The following CAMK1D variants were observed in gnomAD, a reference collection of about 807,000 sequenced individuals.
CAMK1D encodes the protein calcium/calmodulin dependent protein kinase ID, also known as calcium/calmodulin-dependent protein kinase type 1D.
In CAMK1D, 9 loss-of-function variants were observed where a neutral mutation model predicts 47.7. That is an observed-to-expected ratio of 0.19 (90% CI 0.11 to 0.33). The LOEUF (loss-of-function observed/expected upper bound fraction) is 0.33. Among genes scored for constraint, CAMK1D ranks in the 10% least tolerant of loss-of-function variants. CAMK1D has a pLI of 1.00. For synonymous variants in CAMK1D, 184 were observed against 184.9 expected (o/e 0.99, Z 0.04); for missense variants, 291 against 488.7 (o/e 0.60, Z 3.81).
At chr10:12,442,985 ACTTCT>A (rs1832825626) in intron 1 of CAMK1D, among the ~76,000 whole-genome samples, 1 of 152,142 alleles carries the variant, frequency 6.6e-6, no homozygotes, top group Non-Finnish European at 1.5e-5. Context: ...TTACTTTTCT[ACTTCT>A]CTTCTCTCAC....
chr10:12,450,636 G>A (rs1833056379), intron 1 of CAMK1D, among the ~76,000 whole-genome samples: 1 of 152,172 alleles, frequency 6.6e-6, no homozygotes, highest in Non-Finnish European at 1.5e-5. Context: ...AGAGAAGGAG[G>A]CTGTGTCCTG....
intron 1 of CAMK1D, among the ~76,000 whole-genome samples, chr10:12,431,886 TCTC>T (rs1367787472): frequency 1.3e-5 from 2 of 152,192 alleles, no homozygotes; most frequent in Middle Eastern, 3.2e-3. Flanking sequence ...TCCTGACTCT[TCTC>T]CTGGCGTCAC....
intron 1 of CAMK1D, among the ~76,000 whole-genome samples, chr10:12,475,275 GC>G (rs1317468060): frequency 2.0e-5 from 3 of 152,050 alleles, no homozygotes; most frequent in African/African-American, 7.2e-5. Context: ...TAAACAACAA[GC>G]CCCCCATTCC....
chr10:12,395,783 C>T (rs540168862), intron 1 of CAMK1D, among the ~76,000 whole-genome samples: 18 of 151,704 alleles, frequency 1.2e-4, no homozygotes, highest in East Asian at 8.0e-4. Context: ...AAAAATTAGC[C>T]GGGCATGGTG....
intron 2 of CAMK1D, among the ~76,000 whole-genome samples, chr10:12,600,963 A>G (rs1387557896): frequency 6.6e-6 from 1 of 152,108 alleles, no homozygotes; most frequent in Non-Finnish European, 1.5e-5. Flanking sequence ...ACATGACTTC[A>G]TTCTTTTTTA....
chr10:12,381,832 AG>A (rs1339846908), intron 1 of CAMK1D, among the ~76,000 whole-genome samples: 1 of 152,150 alleles, frequency 6.6e-6, no homozygotes, highest in Non-Finnish European at 1.5e-5. Context: ...AGAAATGATG[AG>A]TTCGACTGTG....
chr10:12,703,602 C>A (rs1161598588), intron 3 of CAMK1D, among the ~76,000 whole-genome samples: 1 of 152,176 alleles, frequency 6.6e-6, no homozygotes, highest in Non-Finnish European at 1.5e-5. Context: ...GGCGCGGTGG[C>A]TCATGCCTGT....
intron 8 of CAMK1D, among the ~76,000 whole-genome samples, chr10:12,824,183 A>C (rs978779563): frequency 6.6e-6 from 1 of 152,074 alleles, no homozygotes; most frequent in African/African-American, 2.4e-5. Context: ...CAAAGAAGGA[A>C]AAAATGAGAG....
At chr10:12,558,455 G>A (rs1836833966) in intron 2 of CAMK1D, among the ~76,000 whole-genome samples, 2 of 152,148 alleles carry the variant, frequency 1.3e-5, no homozygotes, top group African/African-American at 4.8e-5. Flanking sequence ...TTGGGAGGCT[G>A]AGGCAGGAGA....
chr10:12,458,652 T>A (rs1207906579), intron 1 of CAMK1D, among the ~76,000 whole-genome samples: 1 of 151,816 alleles, frequency 6.6e-6, no homozygotes, highest in Non-Finnish European at 1.5e-5. Flanking sequence ...GCTGGTCTCT[T>A]GAACTCCTGG....
intron 5 of CAMK1D, among the ~76,000 whole-genome samples, chr10:12,776,203 A>G (rs1588912497): frequency 6.6e-6 from 1 of 152,386 alleles, no homozygotes; most frequent in South Asian, 2.1e-4. Flanking sequence ...CAGTGTCCTC[A>G]AGGTTTTCTG....
At chr10:12,650,651 C>T (rs1839934334) in intron 2 of CAMK1D, among the ~76,000 whole-genome samples, 1 of 152,174 alleles carries the variant, frequency 6.6e-6, no homozygotes, top group Admixed American at 6.5e-5. Flanking sequence ...CAGACTGTGC[C>T]TCCCTGTCCC....
chr10:12,626,094 AT>A (rs1839205462), intron 2 of CAMK1D, among the ~76,000 whole-genome samples: 1 of 152,148 alleles, frequency 6.6e-6, no homozygotes, highest in Non-Finnish European at 1.5e-5. Flanking sequence ...TGATGTTAAC[AT>A]TTTGTTTTTA....
At chr10:12,377,090 TTATTGCATGGC>T (rs909351716) in intron 1 of CAMK1D, among the ~76,000 whole-genome samples, 1 of 152,076 alleles carries the variant, frequency 6.6e-6, no homozygotes, top group African/African-American at 2.4e-5. Flanking sequence ...ACACATTTTG[TTATTGCATGGC>T]TATTTCTCTC....
chr10:12,516,171 G>A (rs556505372), intron 1 of CAMK1D, among the ~76,000 whole-genome samples: 28 of 152,160 alleles, frequency 1.8e-4, no homozygotes, highest in Non-Finnish European at 3.4e-4. Flanking sequence ...GTGCAGTGGC[G>A]TCATCTTGAT....
intron 1 of CAMK1D, among the ~76,000 whole-genome samples, chr10:12,407,914 G>A (rs529514878): frequency 1.4e-3 from 196 of 144,980 alleles, no homozygotes; most frequent in African/African-American, 4.7e-3. Context: ...CTGGAGTGCA[G>A]TGGTGCAATC....
intron 1 of CAMK1D, among the ~76,000 whole-genome samples, chr10:12,548,114 G>A (rs1271392877): frequency 6.6e-6 from 1 of 152,158 alleles, no homozygotes. Flanking sequence ...TCTATTTTCT[G>A]TCCTTTACCA....
rs183385702 is a variant in CAMK1D at position 12,660,931 on chromosome 10, A to G, written c.225-5805A>G. Among the ~76,000 whole-genome samples, 5 of 152,260 alleles carry G rather than the reference A, an allele frequency of 3.3e-5. No homozygotes were observed. In the East Asian group the frequency reaches 7.7e-4, roughly 24 times the overall value. On this transcript the variant is annotated intron_variant, in intron 2 of 10. Coordinates refer to ENST00000619168, the MANE Select transcript of CAMK1D (RefSeq NM_153498.4). ...TTGACCTCTGGGATTTCGCTGTGCT[A>G]GTTGACAGAATCTCCATTTTCCATT...
At chr10:12,801,359 TATCTATC>T (rs1564572257) in intron 6 of CAMK1D, among the ~76,000 whole-genome samples, 4 of 87,156 alleles carry the variant, frequency 4.6e-5, no homozygotes, top group South Asian at 4.0e-4. Flanking sequence ...CTATCTTATC[TATCTATC>T]TATCTATCTA....
Sources: gnomAD v4.1 joint callset for allele counts (sites outside exome capture counted in the v4.1 genomes callset) on GRCh38, gnomAD v4.1.1 for gene constraint, MANE v1.5 for transcripts, NCBI Gene and HGNC (gene_info 2026-07-23, HGNC 2026-07-21) for gene names.